ASIC2: variants seen among roughly 807,000 people sequenced by gnomAD.
ASIC2 encodes acid-sensing ion channel 2.
In ASIC2, 25 loss-of-function variants were observed where a neutral mutation model predicts 57.3. The observed-to-expected ratio is 0.44, with a 90% confidence interval of 0.32 to 0.61. The LOEUF is 0.61. ASIC2 is among the 20% of genes least tolerant of loss of function. ASIC2 has a pLI of 0.06. For synonymous variants in ASIC2, 319 were observed against 307.5 expected, an observed-to-expected ratio of 1.04 and a Z score of -0.39; for missense variants, 641 against 738.1, an observed-to-expected ratio of 0.87 and a Z score of 1.52.
chr17:34,039,957 C>A lies in ASIC2; in HGVS notation c.555+116021G>T, dbSNP rs1460998791. ...ACCCGGCTGCGGACCGCTCCGCTCTCCCCCTGGGCAGGCCCGGGGCGGAGC... is the reference window on the plus strand; with the variant it reads ...ACCCGGCTGCGGACCGCTCCGCTCTACCCCTGGGCAGGCCCGGGGCGGAGC... On this transcript the variant is annotated intron_variant, in intron 1 of 9. Coordinates refer to the ASIC2 transcript ENST00000359872. 4.2e-6 allele frequency: 5 copies of A among 1,198,920 alleles called. No individual in the cohort carries two copies. In the Admixed American group the frequency reaches 5.7e-5, roughly 14 times the overall value. The allele number at this position is 1,198,920 out of a possible 1,614,324, so 74.3% of individuals were successfully genotyped here.
intron 1 of ASIC2, among the ~76,000 whole-genome samples, chr17:33,170,083 C>G (rs568997711): frequency 6.6e-6 from 1 of 152,178 alleles, no homozygotes; most frequent in African/African-American, 2.4e-5. Context: ...GAAACACGCA[C>G]AGTCATTATG....
At chr17:33,414,759 T>C (rs752559033) in intron 1 of ASIC2, among the ~76,000 whole-genome samples, 32 of 152,212 alleles carry the variant, frequency 2.1e-4, no homozygotes, top group Admixed American at 1.4e-3. Flanking sequence ...TTTGGTTCTG[T>C]CACTGAAATC....
chr17:33,750,157 G>A (rs1030981135), intron 1 of ASIC2, among the ~76,000 whole-genome samples: 1 of 152,148 alleles, frequency 6.6e-6, no homozygotes, highest in Non-Finnish European at 1.5e-5. Flanking sequence ...GTCCCTGAGG[G>A]AGAAACTGAG....
Position 33,075,253 on chromosome 17 carries a change from G to C in ASIC2, c.987+13610C>G, listed in dbSNP as rs117621507. 3.5e-4 allele frequency among the ~76,000 whole-genome samples: 53 copies of C among 152,178 alleles called. 1 individual carries two copies. Among genetic ancestry groups the C allele is most frequent in the African/African-American group, 1.3e-3 (53 of 41,490 alleles). On this transcript the variant is annotated intron_variant, in intron 3 of 9. Coordinates refer to ENST00000225823, the MANE Select transcript of ASIC2 (RefSeq NM_183377.2). ...TGGCTCTCATTCTCTCTTGTCTGCC[G>C]CCACGTAAGACATGCCTTTTACCTT...
intron 1 of ASIC2, among the ~76,000 whole-genome samples, chr17:34,018,995 C>T (rs1319177590): frequency 1.3e-5 from 2 of 152,098 alleles, no homozygotes; most frequent in African/African-American, 4.8e-5. Context: ...GCAAGCTCCA[C>T]CTCCCAGGTT....
intron 1 of ASIC2, among the ~76,000 whole-genome samples, chr17:33,748,225 C>T (rs1460594635): frequency 6.6e-6 from 1 of 152,242 alleles, no homozygotes; most frequent in Non-Finnish European, 1.5e-5. Context: ...CTGGTGCCTG[C>T]TTCCCTGATT....
At chr17:33,865,281 G>A (rs1484764009) in intron 1 of ASIC2, among the ~76,000 whole-genome samples, 1 of 152,176 alleles carries the variant, frequency 6.6e-6, no homozygotes, top group Non-Finnish European at 1.5e-5. Flanking sequence ...GCCACATTTT[G>A]TTCCATTTCC....
intron 3 of ASIC2, among the ~76,000 whole-genome samples, chr17:33,083,822 T>C (rs1368222953): frequency 1.3e-5 from 2 of 151,380 alleles, no homozygotes; most frequent in East Asian, 2.0e-4. Context: ...TTCTAAGGGG[T>C]TTAGATTTTT....
At chr17:33,186,914 C>T (rs765015350) in intron 1 of ASIC2, among the ~76,000 whole-genome samples, 7 of 152,116 alleles carry the variant, frequency 4.6e-5, no homozygotes, top group Non-Finnish European at 8.8e-5. Flanking sequence ...CAACAATGAA[C>T]CATTTCTAGA....
chr17:33,704,734 T>C (rs564742376), intron 1 of ASIC2, among the ~76,000 whole-genome samples: 1 of 152,304 alleles, frequency 6.6e-6, no homozygotes, highest in South Asian at 2.1e-4. Context: ...TTCACCCCTG[T>C]GGTCCTCTCT....
At chr17:33,024,645 C>G (rs561930667) in intron 5 of ASIC2, among the ~76,000 whole-genome samples, 2 of 152,344 alleles carry the variant, frequency 1.3e-5, no homozygotes, top group East Asian at 1.9e-4. Flanking sequence ...TCAACTAGGC[C>G]TTGACCTTGG....
intron 3 of ASIC2, among the ~76,000 whole-genome samples, chr17:33,073,178 T>A (rs932545152): frequency 5.3e-5 from 8 of 152,182 alleles, no homozygotes; most frequent in African/African-American, 1.9e-4. Context: ...TGTCAGCAAG[T>A]GGGTTGCTAA....
At chr17:33,463,941 G>T (rs1912725829) in intron 1 of ASIC2, among the ~76,000 whole-genome samples, 1 of 152,194 alleles carries the variant, frequency 6.6e-6, no homozygotes, top group African/African-American at 2.4e-5. Flanking sequence ...TAACATGAAT[G>T]AATCCTCAGA....
At chr17:34,099,415 G>A (rs1015257269) in intron 1 of ASIC2, among the ~76,000 whole-genome samples, 1 of 124,294 alleles carries the variant, frequency 8.0e-6, no homozygotes, top group African/African-American at 3.3e-5. Context: ...AGGAAGGAAA[G>A]AAAGAATGAA....
intron 1 of ASIC2, among the ~76,000 whole-genome samples, chr17:33,961,435 C>A (rs188482445): frequency 1.3e-4 from 20 of 152,266 alleles, no homozygotes; most frequent in African/African-American, 4.6e-4. Context: ...GAGCTTAGCC[C>A]GAGCTTATGT....
At chr17:33,618,621 T>TA (rs1174594426) in intron 1 of ASIC2, among the ~76,000 whole-genome samples, 1 of 152,206 alleles carries the variant, frequency 6.6e-6, no homozygotes, top group East Asian at 1.9e-4. Context: ...TGCTGCCACT[T>TA]ACGCTGTGGA....
chr17:33,555,532 T>C (rs1324223409), intron 1 of ASIC2, among the ~76,000 whole-genome samples: 1 of 152,036 alleles, frequency 6.6e-6, no homozygotes, highest in African/African-American at 2.4e-5. Flanking sequence ...TAAGAGGTGA[T>C]GAGGAGAGAG....
intron 3 of ASIC2, among the ~76,000 whole-genome samples, chr17:33,080,940 G>C (rs1482479143): frequency 6.6e-6 from 1 of 152,180 alleles, no homozygotes; most frequent in African/African-American, 2.4e-5. Context: ...AATGTTTTCA[G>C]GCTGCAGTTG....
At chr17:33,714,985 T>TTTATTATTATTATTATTA (rs71364615) in intron 1 of ASIC2, among the ~76,000 whole-genome samples, 7,125 of 142,136 alleles carry the variant, frequency 0.05, 235 homozygotes, top group African/African-American at 0.066. Context: ...GCCAGGCTAA[T>TTTATTATTATTATTATTA]TTATTATTAT....
Sources: gnomAD v4.1 joint callset for allele counts (sites outside exome capture counted in the v4.1 genomes callset) on GRCh38, gnomAD v4.1.1 for gene constraint, MANE v1.5 for transcripts, NCBI Gene and HGNC (gene_info 2026-07-23, HGNC 2026-07-21) for gene names.